ZNF704: variants seen among roughly 807,000 people sequenced by gnomAD.
ZNF704 encodes the protein glucocorticoid induced gene 1.
A neutral mutation model predicts 44.7 loss-of-function variants in ZNF704; 10 were observed. The ratio of observed to expected loss-of-function variants is 0.22; its 90% CI spans 0.14 to 0.38. The LOEUF is 0.38. Among genes scored for constraint, ZNF704 ranks in the 10% least tolerant of loss-of-function variants. ZNF704 has a pLI of 1.00. For missense variants in ZNF704, 390 were observed against 545.5 expected, an observed-to-expected ratio of 0.71 and a Z score of 2.84; for synonymous variants, 211 against 207.6, an observed-to-expected ratio of 1.02 and a Z score of -0.14.
At chr8:80,760,239 G>C (rs1432027805) in intron 2 of ZNF704, among the ~76,000 whole-genome samples, 1 of 152,178 alleles carries the variant, frequency 6.6e-6, no homozygotes, top group Non-Finnish European at 1.5e-5. Flanking sequence ...ACTATGTTTT[G>C]AATGTACAGG....
At chr8:80,739,056 G>C (rs972885762) in intron 2 of ZNF704, among the ~76,000 whole-genome samples, 20 of 152,114 alleles carry the variant, frequency 1.3e-4, no homozygotes, top group Admixed American at 1.2e-3. Flanking sequence ...TGAAGATTCA[G>C]GTTATTTAGC....
chr8:80,862,953 GC>G (rs908052738), intron 1 of ZNF704, among the ~76,000 whole-genome samples: 1 of 150,208 alleles, frequency 6.7e-6, no homozygotes, highest in East Asian at 2.0e-4. Flanking sequence ...CCCTTCAAAT[GC>G]CCCCCCTTTC....
At chr8:80,659,797 T>C in intron 6 of ZNF704, 108 bp from the exon 7 acceptor site, 3 of 884,510 alleles carry the variant, frequency 3.4e-6, no homozygotes, top group Non-Finnish European at 1.8e-6. Flanking sequence ...GCTATATTAA[T>C]AACTTGGACT....
At chr8:80,658,439 G>T (rs1371838468) in intron 7 of ZNF704, among the ~76,000 whole-genome samples, 1 of 151,404 alleles carries the variant, frequency 6.6e-6, no homozygotes, top group Non-Finnish European at 1.5e-5. Flanking sequence ...TACATCAGTG[G>T]ATCAGTGTTC....
chr8:80,832,666 T>C (rs1348328057), intron 1 of ZNF704, among the ~76,000 whole-genome samples: 2 of 151,352 alleles, frequency 1.3e-5, no homozygotes, highest in Non-Finnish European at 2.9e-5. Context: ...AGTAAAAAAG[T>C]AGTTTAGAAA....
In ZNF704 at chr8:80,718,084, G is replaced by A. The variant is rs373201982; in HGVS notation, c.222-24977C>T. ...TTTGTCTCCACCTTCCAATGATCCCGTGCTCTAGGGTTTTAGCTACTCCAT... is the reference window on the plus strand; with the variant it reads ...TTTGTCTCCACCTTCCAATGATCCCATGCTCTAGGGTTTTAGCTACTCCAT... On this transcript the variant is annotated intron_variant, in intron 2 of 8. Transcript: ENST00000327835. 4.7e-4 allele frequency among the ~76,000 whole-genome samples: 71 copies of A among 152,064 alleles called. 1 individual carries two copies. The highest frequency in any genetic ancestry group is 3.3e-3 in the East Asian group (17 of 5,174).
intron 2 of ZNF704, among the ~76,000 whole-genome samples, chr8:80,800,205 G>A (rs1563557805): frequency 6.6e-6 from 1 of 152,228 alleles, no homozygotes; most frequent in African/African-American, 2.4e-5. Flanking sequence ...TCAGGTATCT[G>A]AAAGAGATGG....
intron 2 of ZNF704, among the ~76,000 whole-genome samples, chr8:80,754,035 C>T (rs995470388): frequency 3.9e-5 from 6 of 152,162 alleles, no homozygotes; most frequent in Non-Finnish European, 8.8e-5. Flanking sequence ...ACTCACTTGG[C>T]TTCGAACTGT....
chr8:80,671,147 G>A (rs985580624), intron 4 of ZNF704, among the ~76,000 whole-genome samples: 4 of 151,604 alleles, frequency 2.6e-5, no homozygotes, highest in African/African-American at 7.3e-5. Context: ...TTTTTTTTCA[G>A]AGATGGGTCC....
intron 2 of ZNF704, among the ~76,000 whole-genome samples, chr8:80,817,905 C>A (rs1808202759): frequency 6.6e-6 from 1 of 152,190 alleles, no homozygotes; most frequent in African/African-American, 2.4e-5. Context: ...AAATTAGCTA[C>A]ATATGTGTCT....
chr8:80,823,582 C>A (rs1808316862), intron 1 of ZNF704, among the ~76,000 whole-genome samples: 1 of 152,184 alleles, frequency 6.6e-6, no homozygotes, highest in African/African-American at 2.4e-5. Flanking sequence ...GTGGTGCTCC[C>A]AGCACGGAGT....
At chr8:80,768,474 A>G (rs1338717356) in intron 2 of ZNF704, among the ~76,000 whole-genome samples, 1 of 152,170 alleles carries the variant, frequency 6.6e-6, no homozygotes, top group Non-Finnish European at 1.5e-5. Context: ...ATTCAATAAT[A>G]ATAAGGCATA....
intron 2 of ZNF704, chr8:80,812,034 G>A (rs1808092521): frequency 6.6e-6 from 1 of 152,406 alleles, no homozygotes; most frequent in African/African-American, 2.4e-5. Context: ...CACCCACCAT[G>A]GAAAAACTGT....
chr8:80,709,822 G>A (rs79649558), intron 2 of ZNF704, among the ~76,000 whole-genome samples: 7,231 of 152,274 alleles, frequency 0.047, 238 homozygotes, highest in Middle Eastern at 0.11. Flanking sequence ...GGTGGCTGCC[G>A]TGGATCTGAA....
chr8:80,866,727 G>GGC (rs1809161660), intron 1 of ZNF704, among the ~76,000 whole-genome samples: 1 of 152,090 alleles, frequency 6.6e-6, no homozygotes, highest in African/African-American at 2.4e-5. Context: ...GGGTTGGGGG[G>GGC]GGGATACATT....
At chr8:80,821,917 ATT>A (rs1235077933) in intron 1 of ZNF704, among the ~76,000 whole-genome samples, 2 of 152,144 alleles carry the variant, frequency 1.3e-5, no homozygotes, top group South Asian at 2.1e-4. Flanking sequence ...GTAAAACATC[ATT>A]GTTTTATCCC....
intron 2 of ZNF704, among the ~76,000 whole-genome samples, chr8:80,785,854 G>A (rs913103290): frequency 1.3e-5 from 2 of 152,148 alleles, no homozygotes; most frequent in East Asian, 1.9e-4. Context: ...TCTAGTTGGT[G>A]GGTGTTCTTC....
chr8:80,687,880 C>T lies in ZNF704; in HGVS notation c.326-422G>A, dbSNP rs1450893088. The stretch of plus-strand genomic sequence containing the variant: ...GTTTGGTCACAGAGTTCCCTCTCAC[C>T]CCAACCCCTCCGATTTCAACATTTT... On this transcript the variant is annotated intron_variant, in intron 3 of 8. Coordinates refer to ENST00000327835, the MANE Select transcript of ZNF704 (RefSeq NM_001033723.3). 4.6e-5 allele frequency among the ~76,000 whole-genome samples: 7 copies of T among 152,128 alleles called. No homozygotes were observed. In the South Asian group the frequency reaches 6.2e-4, roughly 14 times the overall value.
intron 2 of ZNF704, among the ~76,000 whole-genome samples, chr8:80,789,939 C>G (rs146686950): frequency 3.9e-5 from 6 of 152,074 alleles, no homozygotes; most frequent in Admixed American, 3.9e-4. Flanking sequence ...GATATTTGTA[C>G]GTTAAAATCC....
Sources: gnomAD v4.1 joint callset for allele counts (sites outside exome capture counted in the v4.1 genomes callset) on GRCh38, gnomAD v4.1.1 for gene constraint, MANE v1.5 for transcripts, NCBI Gene and HGNC (gene_info 2026-07-23, HGNC 2026-07-21) for gene names.